Variants in GRID2 observed in about 807,000 individuals in gnomAD.
GRID2 encodes glutamate ionotropic receptor delta type subunit 2.
GRID2 carries 33 observed loss-of-function variants against 114.8 expected under a neutral mutation model. The ratio of observed to expected loss-of-function variants is 0.29; its 90% confidence interval spans 0.22 to 0.38. The LOEUF is 0.38. Among genes scored for constraint, GRID2 ranks in the 10% least tolerant of loss-of-function variants. GRID2 has a pLI of 1.00. For missense variants in GRID2, 1,184 were observed against 1,257.7 expected (o/e 0.94, Z 0.89); for synonymous variants, 505 against 449.9 (o/e 1.12, Z -1.55).
intron 2 of GRID2, among the ~76,000 whole-genome samples, chr4:92,964,948 T>G (rs186876723): frequency 6.6e-6 from 1 of 152,180 alleles, no homozygotes; most frequent in African/African-American, 2.4e-5. Flanking sequence ...ACTTTTCTTT[T>G]ACATTTACAA....
At chr4:93,238,589 A>G in intron 8 of GRID2, 99 bp downstream of exon 8, 1 of 829,806 alleles carries the variant, frequency 1.2e-6, no homozygotes, top group Admixed American at 2.7e-5. Context: ...TAAAGTCAAT[A>G]TTGTAGTGTG....
At chr4:93,025,150 G>C (rs1723768952) in intron 2 of GRID2, among the ~76,000 whole-genome samples, 1 of 151,186 alleles carries the variant, frequency 6.6e-6, no homozygotes, top group Non-Finnish European at 1.5e-5. Flanking sequence ...TAAAGAGAGG[G>C]AGAGAAAGAG....
At chr4:92,574,413 A>ATTTTTT (rs58296126) in intron 1 of GRID2, among the ~76,000 whole-genome samples, 2 of 112,408 alleles carry the variant, frequency 1.8e-5, no homozygotes, top group Non-Finnish European at 1.9e-5. Flanking sequence ...GTACTTTAGT[A>ATTTTTT]TTTTTTTTTT....
chr4:92,847,774 T>C (rs1306251956), intron 2 of GRID2, among the ~76,000 whole-genome samples: 1 of 152,070 alleles, frequency 6.6e-6, no homozygotes, highest in Non-Finnish European at 1.5e-5. Context: ...ATCTGTTTCA[T>C]GACACAGGAC....
intron 10 of GRID2, among the ~76,000 whole-genome samples, chr4:93,424,681 G>A (rs1396716575): frequency 6.6e-6 from 1 of 151,968 alleles, no homozygotes; most frequent in East Asian, 1.9e-4. Flanking sequence ...TGCATTTATT[G>A]TGCTGAGAGT....
intron 2 of GRID2, among the ~76,000 whole-genome samples, chr4:93,071,227 T>C (rs1728777170): frequency 6.6e-6 from 1 of 152,082 alleles, no homozygotes; most frequent in Non-Finnish European, 1.5e-5. Flanking sequence ...TAAAATGAGC[T>C]ACTAGGGCTA....
chr4:92,681,709 T>C (rs1456551464), intron 2 of GRID2, among the ~76,000 whole-genome samples: 2 of 152,110 alleles, frequency 1.3e-5, no homozygotes, highest in Non-Finnish European at 2.9e-5. Flanking sequence ...ACCCACGGAA[T>C]TGTACACAAG....
At chr4:92,478,215 A>G (rs1247717861) in intron 1 of GRID2, among the ~76,000 whole-genome samples, 1 of 152,042 alleles carries the variant, frequency 6.6e-6, no homozygotes, top group Non-Finnish European at 1.5e-5. Flanking sequence ...TCTCCTGCCT[A>G]AGCTAAATGT....
At chr4:92,971,543 A>C (rs968789427) in intron 2 of GRID2, among the ~76,000 whole-genome samples, 1 of 152,100 alleles carries the variant, frequency 6.6e-6, no homozygotes, top group African/African-American at 2.4e-5. Context: ...TCTGTGTGTG[A>C]ACATTTAAAA....
chr4:93,109,849 T>C (rs1281485471), intron 3 of GRID2, among the ~76,000 whole-genome samples: 1 of 152,098 alleles, frequency 6.6e-6, no homozygotes, highest in African/African-American at 2.4e-5. Context: ...TAAGAAGAAA[T>C]ATTTGTGATA....
intron 1 of GRID2, among the ~76,000 whole-genome samples, chr4:92,584,939 C>A (rs1364623613): frequency 6.6e-6 from 1 of 151,984 alleles, no homozygotes; most frequent in Non-Finnish European, 1.5e-5. Context: ...TTTCATAAAC[C>A]ATCTCTAAAA....
chr4:93,323,097 T>C (rs923014760), intron 8 of GRID2, among the ~76,000 whole-genome samples: 2 of 152,150 alleles, frequency 1.3e-5, no homozygotes, highest in African/African-American at 4.8e-5. Flanking sequence ...TTGCTTTTGG[T>C]GTTTTCGTCA....
intron 14 of GRID2, among the ~76,000 whole-genome samples, chr4:93,700,067 C>T (rs1352893307): frequency 1.3e-5 from 2 of 152,042 alleles, no homozygotes; most frequent in Non-Finnish European, 2.9e-5. Flanking sequence ...ACAACAGGAT[C>T]AAATATGCTA....
intron 8 of GRID2, among the ~76,000 whole-genome samples, chr4:93,306,765 T>A (rs1755466801): frequency 6.6e-6 from 1 of 152,192 alleles, no homozygotes; most frequent in African/African-American, 2.4e-5. Flanking sequence ...CTGGCAAAAC[T>A]TTTCTTCCCT....
At chr4:92,598,204 G>T (rs924121803) in intron 2 of GRID2, among the ~76,000 whole-genome samples, 10 of 151,988 alleles carry the variant, frequency 6.6e-5, no homozygotes, top group Admixed American at 2.0e-4. Context: ...TGCATATTCT[G>T]GGAAAAAAAA....
chr4:92,650,318 T>C (rs1731865004), intron 2 of GRID2, among the ~76,000 whole-genome samples: 1 of 152,008 alleles, frequency 6.6e-6, no homozygotes, highest in Non-Finnish European at 1.5e-5. Flanking sequence ...CTGGTCATGG[T>C]TCTTTATTTG....
At chr4:93,637,341 T>C (rs1042194485) in intron 14 of GRID2, among the ~76,000 whole-genome samples, 7 of 152,146 alleles carry the variant, frequency 4.6e-5, no homozygotes, top group African/African-American at 1.2e-4. Flanking sequence ...AAGAGGAAAC[T>C]AAATCACAGA....
At position 92,403,563 on chromosome 4, in the gene GRID2, G is replaced by A. The variant is rs554414551; in HGVS notation, c.88+98819G>A. Among the ~76,000 whole-genome samples the A allele has an allele frequency of 6.6e-4, 100 of 151,890 alleles. 1 individual carries two copies. In the South Asian group the frequency reaches 0.02, roughly 30 times the overall value. ...ATAAATTAGCTGGGCGTGGTGGTGC[G>A]CAACTGTAATCCCAGCTACTCAGGA... On this transcript the variant is annotated intron_variant, in intron 1 of 15. Coordinates refer to ENST00000282020, the MANE Select transcript of GRID2 (RefSeq NM_001510.4).
chr4:93,509,340 T>A (rs112565062), intron 12 of GRID2, among the ~76,000 whole-genome samples: 3,276 of 152,086 alleles, frequency 0.022, 114 homozygotes, highest in African/African-American at 0.074. Context: ...GGTGGGGAAG[T>A]TAAAGATCCA....
Sources: allele counts gnomAD v4.1 joint callset (sites outside exome capture counted in the v4.1 genomes callset), GRCh38; gene constraint gnomAD v4.1.1; transcripts MANE v1.5; gene names NCBI Gene and HGNC (gene_info 2026-07-23, HGNC 2026-07-21).